Variants in TBC1D32 observed in about 807,000 individuals in gnomAD.
The protein encoded by TBC1D32 is protein broad-minded.
A neutral mutation model predicts 170.3 loss-of-function variants in TBC1D32; 151 were observed. That is an observed-to-expected ratio of 0.89 (90% CI 0.78 to 1.01). The LOEUF (loss-of-function observed/expected upper bound fraction) is 1.01, where lower values mean the gene tolerates loss of function less well. Ranked by LOEUF, TBC1D32 falls within the 50% of genes least tolerant of loss-of-function variation. TBC1D32 has a pLI of 0.00. For synonymous variants in TBC1D32, 498 were observed against 488.0 expected (o/e 1.02, Z -0.27); for missense variants, 1,464 against 1,457.1 (o/e 1.00, Z -0.08).
chr6:121,309,529 T>A (rs1233632897), intron 4 of TBC1D32, among the ~76,000 whole-genome samples: 1 of 152,082 alleles, frequency 6.6e-6, no homozygotes, highest in Non-Finnish European at 1.5e-5. Flanking sequence ...TTTAATAGTT[T>A]GAGAAAAATA....
At chr6:121,300,167 G>A (rs1212685593) in intron 9 of TBC1D32, among the ~76,000 whole-genome samples, 1 of 152,082 alleles carries the variant, frequency 6.6e-6, no homozygotes, top group Non-Finnish European at 1.5e-5. Flanking sequence ...ATATTGGCCG[G>A]GCACAGTGGC....
chr6:121,182,689 C>T (rs975961888), intron 22 of TBC1D32, among the ~76,000 whole-genome samples: 5 of 151,850 alleles, frequency 3.3e-5, no homozygotes, highest in Admixed American at 2.0e-4. Context: ...TTATATCCAC[C>T]AATCTAGCAA....
chr6:121,123,687 C>T (rs985614749), intron 26 of TBC1D32, among the ~76,000 whole-genome samples: 1 of 151,908 alleles, frequency 6.6e-6, no homozygotes, highest in African/African-American at 2.4e-5. Context: ...TGATATTCAG[C>T]CATTTTGTAT....
At chr6:121,289,920 T>A (rs113270564) in intron 12 of TBC1D32, among the ~76,000 whole-genome samples, 10,597 of 152,222 alleles carry the variant, frequency 0.07, 826 homozygotes, top group African/African-American at 0.19. Context: ...ATTCAATAAA[T>A]GGTGCTGGGA....
intron 21 of TBC1D32, among the ~76,000 whole-genome samples, chr6:121,213,866 G>A (rs943082549): frequency 1.3e-5 from 2 of 152,134 alleles, no homozygotes; most frequent in African/African-American, 4.8e-5. Context: ...AACAAAGCTG[G>A]AGGCATCATG....
chr6:121,176,609 C>T (rs186111156), intron 22 of TBC1D32, among the ~76,000 whole-genome samples: 3 of 151,874 alleles, frequency 2.0e-5, no homozygotes, highest in African/African-American at 4.8e-5. Flanking sequence ...TTTCTCCCCC[C>T]ACCCCCGAGA....
At chr6:121,108,595 T>C (rs1778919375) in intron 29 of TBC1D32, among the ~76,000 whole-genome samples, 1 of 152,066 alleles carries the variant, frequency 6.6e-6, no homozygotes, top group African/African-American at 2.4e-5. Context: ...GCAAGGACTT[T>C]ACAACAAAAC....
chr6:121,169,113 C>T (rs1341653388), intron 22 of TBC1D32, among the ~76,000 whole-genome samples: 1 of 152,120 alleles, frequency 6.6e-6, no homozygotes, highest in Non-Finnish European at 1.5e-5. Context: ...ATAGCCAACA[C>T]AATCTTAAGC....
chr6:121,087,057 C>T (rs1260017648), intron 31 of TBC1D32, among the ~76,000 whole-genome samples: 1 of 152,148 alleles, frequency 6.6e-6, no homozygotes, highest in African/African-American at 2.4e-5. Context: ...TCAGAGGCTG[C>T]CTTCTAGCTC....
chr6:121,170,565 A>G, intron 22 of TBC1D32: 4 of 1,429,374 alleles, frequency 2.8e-6, no homozygotes, highest in Non-Finnish European at 3.7e-6. Flanking sequence ...ATTGTGTAAA[A>G]TATGTCCCAA....
At chr6:121,242,376 G>C (rs934021704) in intron 17 of TBC1D32, 37 bp from the exon 18 acceptor site, 1 of 1,597,444 alleles carries the variant, frequency 6.3e-7, no homozygotes, top group African/African-American at 1.3e-5. Context: ...CTTTCTTTAA[G>C]ATACTAAAAA....
At chr6:121,311,582 C>T (rs1183065114) in intron 3 of TBC1D32, among the ~76,000 whole-genome samples, 43 of 151,878 alleles carry the variant, frequency 2.8e-4, no homozygotes, top group Non-Finnish European at 5.9e-5. Context: ...ACAAAAACTA[C>T]CTGGGCATGG....
intron 22 of TBC1D32, among the ~76,000 whole-genome samples, chr6:121,179,356 G>T (rs1206260126): frequency 6.7e-6 from 1 of 149,210 alleles, no homozygotes; most frequent in Non-Finnish European, 1.5e-5. Flanking sequence ...AAAAAAAAAA[G>T]TACCAAAAAT....
intron 16 of TBC1D32, 94 bp downstream of exon 16, chr6:121,255,990 G>T: frequency 9.0e-7 from 1 of 1,109,154 alleles, no homozygotes. Flanking sequence ...ATTTGCCCCA[G>T]TTAAATATTT....
At chr6:121,144,784 G>A (rs1312229434) in intron 24 of TBC1D32, among the ~76,000 whole-genome samples, 1 of 152,090 alleles carries the variant, frequency 6.6e-6, no homozygotes, top group Admixed American at 6.6e-5. Flanking sequence ...CAGTAATGCA[G>A]CTAGAAAAAA....
chr6:121,184,548 G>A (rs1788929769), intron 22 of TBC1D32, among the ~76,000 whole-genome samples: 1 of 151,726 alleles, frequency 6.6e-6, no homozygotes, highest in Non-Finnish European at 1.5e-5. Context: ...GACATCACCT[G>A]TAATTCTGTC....
At chr6:121,082,634 C>T (rs569963740) in intron 31 of TBC1D32, among the ~76,000 whole-genome samples, 4 of 152,090 alleles carry the variant, frequency 2.6e-5, no homozygotes, top group Admixed American at 2.6e-4. Context: ...TTGAACAAAG[C>T]TCTAATAATT....
At chr6:121,115,765 A>G (rs567966902) in intron 26 of TBC1D32, 1 of 152,394 alleles carries the variant, frequency 6.6e-6, no homozygotes, top group South Asian at 2.1e-4. Context: ...AAAGTGAAGA[A>G]AGGGTTAGTT....
chr6:121,251,282 C>T (rs769365521), intron 17 of TBC1D32, among the ~76,000 whole-genome samples: 12 of 151,894 alleles, frequency 7.9e-5, no homozygotes, highest in Admixed American at 2.6e-4. Flanking sequence ...CAATCCCAAG[C>T]AAAAAGAACA....
Sources: gnomAD v4.1 joint callset for allele counts (sites outside exome capture counted in the v4.1 genomes callset) on GRCh38, gnomAD v4.1.1 for gene constraint, MANE v1.5 for transcripts, NCBI Gene and HGNC (gene_info 2026-07-23, HGNC 2026-07-21) for gene names.